ROBO2: variants seen among roughly 807,000 people sequenced by gnomAD.
ROBO2 encodes the protein roundabout guidance receptor 2.
In ROBO2, 53 loss-of-function variants were observed where a neutral mutation model predicts 160.8. The observed-to-expected ratio is 0.33, with a 90% CI of 0.26 to 0.41. The LOEUF (loss-of-function observed/expected upper bound fraction) is 0.41, where lower values mean the gene tolerates loss of function less well. ROBO2 is among the 10% of genes least tolerant of loss of function. ROBO2 has a pLI of 1.00. For synonymous variants in ROBO2, 664 were observed against 611.7 expected, an observed-to-expected ratio of 1.09 and a Z score of -1.26; for missense variants, 1,577 against 1,722.4, an observed-to-expected ratio of 0.92 and a Z score of 1.49.
At chr3:76,669,669 G>A (rs1462142811) in intron 2 of ROBO2, among the ~76,000 whole-genome samples, 2 of 152,158 alleles carry the variant, frequency 1.3e-5, no homozygotes, top group African/African-American at 4.8e-5. Flanking sequence ...ATCAACCGGG[G>A]ACGGGGACCA....
chr3:77,428,696 A>C (rs947633741), intron 2 of ROBO2, among the ~76,000 whole-genome samples: 1 of 152,092 alleles, frequency 6.6e-6, no homozygotes, highest in Non-Finnish European at 1.5e-5. Flanking sequence ...TGCTTGTAGA[A>C]TGGTGCTCAT....
chr3:75,934,953 G>A (rs925003429), intron 1 of ROBO2, among the ~76,000 whole-genome samples: 4 of 152,136 alleles, frequency 2.6e-5, no homozygotes, highest in African/African-American at 9.7e-5. Flanking sequence ...ACTTTGATGA[G>A]TGGATCTGGA....
At chr3:76,084,125 G>A (rs184017008) in intron 2 of ROBO2, among the ~76,000 whole-genome samples, 2 of 152,256 alleles carry the variant, frequency 1.3e-5, no homozygotes, top group Non-Finnish European at 2.9e-5. Flanking sequence ...GGGAATATGA[G>A]AAACAGCTGC....
intron 2 of ROBO2, among the ~76,000 whole-genome samples, chr3:77,221,024 T>C (rs1258659994): frequency 6.6e-6 from 1 of 152,204 alleles, no homozygotes; most frequent in Non-Finnish European, 1.5e-5. Context: ...CCTTTACATA[T>C]GTAATGGTAA....
chr3:77,076,765 A>C (rs1012629490), intron 1 of ROBO2, among the ~76,000 whole-genome samples: 3 of 152,234 alleles, frequency 2.0e-5, no homozygotes, highest in Non-Finnish European at 4.4e-5. Flanking sequence ...GCCCTAATTA[A>C]AGCTATAAGC....
intron 2 of ROBO2, among the ~76,000 whole-genome samples, chr3:76,965,192 C>G (rs2079975885): frequency 6.6e-6 from 1 of 152,174 alleles, no homozygotes; most frequent in African/African-American, 2.4e-5. Context: ...TAGGCTAAAG[C>G]CGCTCATCTT....
intron 2 of ROBO2, among the ~76,000 whole-genome samples, chr3:76,557,922 A>C (rs984391307): frequency 2.0e-5 from 3 of 151,918 alleles, no homozygotes; most frequent in African/African-American, 7.2e-5. Flanking sequence ...CTTGGGTTAA[A>C]TATAACAATG....
intron 2 of ROBO2, among the ~76,000 whole-genome samples, chr3:76,852,176 GC>G (rs1400027672): frequency 6.6e-6 from 1 of 152,134 alleles, no homozygotes; most frequent in African/African-American, 2.4e-5. Context: ...CCTATCAGTT[GC>G]CTTCTTCCCT....
chr3:77,344,035 A>G (rs2153453139), intron 2 of ROBO2, among the ~76,000 whole-genome samples: 1 of 152,318 alleles, frequency 6.6e-6, no homozygotes, highest in African/African-American at 2.4e-5. Context: ...GAGATAATTA[A>G]TAAATGATTA....
intron 24 of ROBO2, among the ~76,000 whole-genome samples, chr3:77,637,730 C>G (rs2095288000): frequency 6.6e-6 from 1 of 151,948 alleles, no homozygotes; most frequent in African/African-American, 2.4e-5. Context: ...ATAGAATTTT[C>G]TGTGGTTTTT....
At chr3:76,325,306 G>A (rs1375132115) in intron 2 of ROBO2, among the ~76,000 whole-genome samples, 1 of 152,186 alleles carries the variant, frequency 6.6e-6, no homozygotes, top group African/African-American at 2.4e-5. Context: ...GTTAGCAGAA[G>A]TTCACAATTA....
exon 5 of ROBO2, chr3:77,493,287 G>A (rs757252881): frequency 6.2e-7 from 1 of 1,613,776 alleles, no homozygotes; most frequent in Non-Finnish European, 8.5e-7. Context: ...AGGTGGTACT[G>A]GAGGAAGAAG....
chr3:76,487,498 A>G (rs1337510475), intron 2 of ROBO2, among the ~76,000 whole-genome samples: 2 of 152,242 alleles, frequency 1.3e-5, no homozygotes, highest in African/African-American at 2.4e-5. Context: ...ATACTTTAGT[A>G]AAACTTCTCA....
chr3:76,095,749 GACACAC>G (rs59290141), intron 2 of ROBO2, among the ~76,000 whole-genome samples: 3,657 of 148,028 alleles, frequency 0.025, 131 homozygotes, highest in African/African-American at 0.082. Flanking sequence ...TAGTATGCTT[GACACAC>G]ACACACACAC....
At chr3:76,812,383 T>G (rs911500217) in intron 2 of ROBO2, among the ~76,000 whole-genome samples, 3 of 149,710 alleles carry the variant, frequency 2.0e-5, no homozygotes, top group Non-Finnish European at 4.4e-5. Flanking sequence ...AGTAGGCCAT[T>G]TCATGCCCAA....
intron 1 of ROBO2, among the ~76,000 whole-genome samples, chr3:75,912,310 G>T (rs893258751): frequency 3.6e-4 from 54 of 152,066 alleles, no homozygotes; most frequent in Admixed American, 3.3e-3. Flanking sequence ...GAGATTTTTT[G>T]ATTTAAATAG....
At chr3:76,849,047 T>G (rs2148520820) in intron 2 of ROBO2, among the ~76,000 whole-genome samples, 1 of 152,310 alleles carries the variant, frequency 6.6e-6, no homozygotes, top group East Asian at 1.9e-4. Context: ...TGCCCAAGTG[T>G]CACCCCATCT....
At chr3:77,372,922 G>T (rs1399623834) in intron 2 of ROBO2, among the ~76,000 whole-genome samples, 2 of 151,820 alleles carry the variant, frequency 1.3e-5, no homozygotes, top group Non-Finnish European at 2.9e-5. Context: ...GACAGTTCAG[G>T]AAGTATATGT....
chr3:76,302,197 G>A (rs937148795), intron 2 of ROBO2, among the ~76,000 whole-genome samples: 7 of 151,932 alleles, frequency 4.6e-5, no homozygotes, highest in Non-Finnish European at 1.0e-4. Context: ...ATTGATAATA[G>A]GAATTAGTCA....
Sources: allele counts gnomAD v4.1 joint callset (sites outside exome capture counted in the v4.1 genomes callset), GRCh38; gene constraint gnomAD v4.1.1; transcripts MANE v1.5; gene names NCBI Gene and HGNC (gene_info 2026-07-23, HGNC 2026-07-21).